CACNB2: variants seen among roughly 807,000 people sequenced by gnomAD.
The protein encoded by CACNB2 is voltage-dependent L-type calcium channel subunit beta-2.
Under a neutral mutation model 73.3 loss-of-function variants are expected in CACNB2, and 42 were observed. The ratio of observed to expected loss-of-function variants is 0.57; its 90% CI spans 0.45 to 0.74. The LOEUF (loss-of-function observed/expected upper bound fraction) is 0.74. Among genes scored for constraint, CACNB2 ranks in the 30% least tolerant of loss-of-function variants. The pLI is 0.00. For missense variants in CACNB2, 940 were observed against 853.0 expected (o/e 1.10, Z -1.27); for synonymous variants, 348 against 310.3 (o/e 1.12, Z -1.28).
At chr10:18,212,372 C>T (rs200163187) in intron 2 of CACNB2, among the ~76,000 whole-genome samples, 3 of 151,160 alleles carry the variant, frequency 2.0e-5, no homozygotes, top group Admixed American at 1.3e-4. Flanking sequence ...TGTTTTTTTG[C>T]TTTTTATATT....
intron 2 of CACNB2, among the ~76,000 whole-genome samples, chr10:18,354,277 C>T (rs1297742335): frequency 6.6e-6 from 1 of 151,870 alleles, no homozygotes; most frequent in Non-Finnish European, 1.5e-5. Flanking sequence ...TTTTTTTCCT[C>T]CTGACTTGGG....
At chr10:18,420,316 C>T (rs1223527528) in intron 3 of CACNB2, among the ~76,000 whole-genome samples, 1 of 92,146 alleles carries the variant, frequency 1.1e-5, no homozygotes, top group Non-Finnish European at 2.3e-5. Flanking sequence ...AACACACATA[C>T]ACACACACAC....
At chr10:18,464,904 A>G (rs1489836918) in intron 3 of CACNB2, among the ~76,000 whole-genome samples, 4 of 152,264 alleles carry the variant, frequency 2.6e-5, no homozygotes, top group Non-Finnish European at 5.9e-5. Flanking sequence ...AAGAGGAAGG[A>G]GTCCAGGTTA....
At chr10:18,269,326 G>C (rs895753393) in intron 2 of CACNB2, among the ~76,000 whole-genome samples, 5 of 152,076 alleles carry the variant, frequency 3.3e-5, no homozygotes, top group Admixed American at 2.6e-4. Context: ...CCATCCCACT[G>C]TCTAAAACAC....
At chr10:18,446,906 AT>A (rs1487719910) in intron 3 of CACNB2, among the ~76,000 whole-genome samples, 1 of 152,176 alleles carries the variant, frequency 6.6e-6, no homozygotes, top group African/African-American at 2.4e-5. Flanking sequence ...CTCTAAAAAA[AT>A]AAAAAATTAG....
chr10:18,307,496 C>G (rs776570791), intron 2 of CACNB2, among the ~76,000 whole-genome samples: 1 of 152,190 alleles, frequency 6.6e-6, no homozygotes, highest in Non-Finnish European at 1.5e-5. Flanking sequence ...CTTTTTCCTT[C>G]ATGGCATTTA....
At chr10:18,223,541 T>C (rs1386572113) in intron 2 of CACNB2, among the ~76,000 whole-genome samples, 3 of 152,220 alleles carry the variant, frequency 2.0e-5, no homozygotes, top group Non-Finnish European at 2.9e-5. Flanking sequence ...TAGTTTTTAA[T>C]ACTTATGCAG....
chr10:18,174,280 CTCTT>C (rs1310310849), intron 2 of CACNB2, among the ~76,000 whole-genome samples: 77 of 128,056 alleles, frequency 6.0e-4, no homozygotes, highest in Non-Finnish European at 8.6e-4. Context: ...CTCCCTCTCT[CTCTT>C]TCTCTCTTTT....
At chr10:18,352,681 A>C (rs1346759268) in intron 2 of CACNB2, among the ~76,000 whole-genome samples, 1 of 152,246 alleles carries the variant, frequency 6.6e-6, no homozygotes, top group Non-Finnish European at 1.5e-5. Flanking sequence ...GTTTCGTTGC[A>C]AAAATGTTTT....
chr10:18,524,207 G>GT (rs112945151), intron 9 of CACNB2, among the ~76,000 whole-genome samples: 9,928 of 145,398 alleles, frequency 0.068, 380 homozygotes, highest in Non-Finnish European at 0.086. Flanking sequence ...TAAATTCACG[G>GT]TTTTTTTTTT....
chr10:18,469,615 G>C (rs1459877436), intron 3 of CACNB2, among the ~76,000 whole-genome samples: 1 of 152,180 alleles, frequency 6.6e-6, no homozygotes, highest in Non-Finnish European at 1.5e-5. Flanking sequence ...TATTTAGACT[G>C]TATTACAAGT....
intron 2 of CACNB2, among the ~76,000 whole-genome samples, chr10:18,298,017 A>G (rs929834274): frequency 5.3e-5 from 8 of 152,134 alleles, no homozygotes; most frequent in Admixed American, 1.3e-4. Flanking sequence ...TGCTTTTTCT[A>G]TGTGGGTGAA....
At chr10:18,195,738 A>G (rs958735542) in intron 2 of CACNB2, among the ~76,000 whole-genome samples, 3 of 152,184 alleles carry the variant, frequency 2.0e-5, no homozygotes, top group Non-Finnish European at 1.5e-5. Context: ...CTCACCCCTC[A>G]ATCTGTGGAC....
At position 18,543,084 on chromosome 10, in the gene CACNB2, C is replaced by CT. The variant is rs1228269159; in HGVS notation, c.*3361dup. On this transcript the variant is annotated 3_prime_UTR_variant, in exon 14 of 14. Transcript: ENST00000324631. ...TTCACTGTCAGCTACACTGAACTGT[C>CT]TAACAAACCTGGTTTAAAGTAATTC... is the stretch of plus-strand genomic sequence containing the variant. The CT allele has an allele frequency of 6.6e-6, 1 of 152,062 alleles. No individual in the cohort carries two copies. The highest frequency in any genetic ancestry group is 6.6e-5 in the Admixed American group (1 of 15,256). The allele number at this position is 152,062 out of a possible 1,614,324, so 9.4% of individuals were successfully genotyped here.
At chr10:18,522,545 G>A (rs2052005623) in intron 9 of CACNB2, among the ~76,000 whole-genome samples, 3 of 152,140 alleles carry the variant, frequency 2.0e-5, no homozygotes, top group Admixed American at 1.3e-4. Flanking sequence ...GGAGGCAAGG[G>A]TAGGAAGGAA....
chr10:18,531,447 A>G (rs1180091371), intron 10 of CACNB2, among the ~76,000 whole-genome samples: 2 of 152,012 alleles, frequency 1.3e-5, no homozygotes, highest in African/African-American at 4.8e-5. Context: ...CATCTTTGCT[A>G]TTGTGAATAG....
chr10:18,498,066 A>G (rs201082695), intron 3 of CACNB2, among the ~76,000 whole-genome samples: 3 of 151,494 alleles, frequency 2.0e-5, no homozygotes, highest in East Asian at 3.9e-4. Context: ...ACAAGCGCCA[A>G]TGTTGAAAAC....
rs72400253 is a variant in CACNB2, at chr10:18,411,506, ATTTT to A, written c.333+9480_333+9483del. ...AAAGGCAAAATTTGTGTCTTTGAGC[ATTTT>A]TTTTTTTTTTTTTTTTGAGATGGAA... On this transcript the variant is annotated intron_variant, in intron 3 of 13. Transcript: ENST00000324631. Among the ~76,000 whole-genome samples, 604 of 125,666 alleles carry A rather than the reference ATTTT, an allele frequency of 4.8e-3. 3 individuals carry two copies. The highest frequency in any genetic ancestry group is 0.013 in the African/African-American group (457 of 34,166). 82.4% of individuals were successfully genotyped at this position (125,666 alleles called of 152,430 possible). A position where few individuals can be genotyped will look rare whatever the true frequency, so the allele number is the denominator to read the frequency against.
chr10:18,479,124 T>C (rs967095115), intron 3 of CACNB2, among the ~76,000 whole-genome samples: 23 of 152,190 alleles, frequency 1.5e-4, no homozygotes, highest in African/African-American at 4.3e-4. Flanking sequence ...AAAATACCTA[T>C]ATATTTTATG....
Sources: allele counts gnomAD v4.1 joint callset (sites outside exome capture counted in the v4.1 genomes callset), GRCh38; gene constraint gnomAD v4.1.1; transcripts MANE v1.5; gene names NCBI Gene and HGNC (gene_info 2026-07-23, HGNC 2026-07-21).